OPCML: variants seen among roughly 807,000 people sequenced by gnomAD.
The protein encoded by OPCML is opioid-binding protein/cell adhesion molecule.
In OPCML, 13 loss-of-function variants were observed where a neutral mutation model predicts 37.8. The observed-to-expected ratio is 0.34, with a 90% confidence interval of 0.22 to 0.55. The LOEUF is 0.55. Among genes scored for constraint, OPCML ranks in the 20% least tolerant of loss-of-function variants. OPCML has a pLI of 0.91. For missense variants in OPCML, 341 were observed against 435.6 expected, an observed-to-expected ratio of 0.78 and a Z score of 1.93; for synonymous variants, 176 against 168.8, an observed-to-expected ratio of 1.04 and a Z score of -0.33.
intron 4 of OPCML, among the ~76,000 whole-genome samples, chr11:132,485,572 G>A (rs1271024264): frequency 2.0e-5 from 3 of 152,162 alleles, no homozygotes; most frequent in Non-Finnish European, 4.4e-5. Context: ...CCCATGTCAA[G>A]GCAGCCACTG....
chr11:132,653,191 A>G (rs1452046300), intron 3 of OPCML, among the ~76,000 whole-genome samples: 1 of 152,048 alleles, frequency 6.6e-6, no homozygotes, highest in Non-Finnish European at 1.5e-5. Context: ...TATCTCCCCA[A>G]TCACTAGCAT....
intron 1 of OPCML, among the ~76,000 whole-genome samples, chr11:133,286,061 G>A (rs1942287100): frequency 6.8e-6 from 1 of 146,788 alleles, no homozygotes; most frequent in Non-Finnish European, 1.5e-5. Flanking sequence ...GACAAGTCAG[G>A]GTGTTCAAGG....
chr11:132,962,390 T>G (rs140349539), intron 1 of OPCML, among the ~76,000 whole-genome samples: 147 of 152,316 alleles, frequency 9.7e-4, no homozygotes, highest in African/African-American at 3.4e-3. Flanking sequence ...GGAACTCACA[T>G]TCGTTTGCAA....
intron 4 of OPCML, among the ~76,000 whole-genome samples, chr11:132,458,814 T>A (rs1198153992): frequency 6.6e-6 from 1 of 152,182 alleles, no homozygotes; most frequent in Non-Finnish European, 1.5e-5. Context: ...CACATCTGCT[T>A]CCACACTCAG....
intron 1 of OPCML, among the ~76,000 whole-genome samples, chr11:133,434,798 G>GTATA (rs57835682): frequency 0.01 from 1,314 of 128,920 alleles, 14 homozygotes; most frequent in African/African-American, 0.021. Context: ...TTATATATAT[G>GTATA]TATATATATA....
chr11:132,999,300 A>G (rs1238102048), intron 1 of OPCML, among the ~76,000 whole-genome samples: 1 of 151,962 alleles, frequency 6.6e-6, no homozygotes, highest in Admixed American at 6.6e-5. Flanking sequence ...CTCCCTAGCA[A>G]TGACACTGCC....
At chr11:132,737,231 CCAAA>C (rs1362464204) in intron 2 of OPCML, among the ~76,000 whole-genome samples, 2 of 152,242 alleles carry the variant, frequency 1.3e-5, no homozygotes, top group East Asian at 3.9e-4. Flanking sequence ...AAATTAGATT[CCAAA>C]CAGAGATCTC....
At chr11:133,181,023 A>G (rs1454131934) in intron 1 of OPCML, among the ~76,000 whole-genome samples, 2 of 152,166 alleles carry the variant, frequency 1.3e-5, no homozygotes, top group African/African-American at 4.8e-5. Flanking sequence ...TCTCAAATAA[A>G]TTATGTGGTT....
chr11:133,195,933 T>G (rs1479758988), intron 1 of OPCML, among the ~76,000 whole-genome samples: 1 of 152,212 alleles, frequency 6.6e-6, no homozygotes, highest in Non-Finnish European at 1.5e-5. Flanking sequence ...TTTCTACCTT[T>G]TCTCTAAGTC....
At chr11:133,361,671 C>G (rs1206573420) in intron 1 of OPCML, 1 of 158,010 alleles carries the variant, frequency 6.3e-6, no homozygotes. Context: ...GCAGCTACTC[C>G]GGGGCACCGC....
chr11:133,393,390 G>A (rs952257458), intron 1 of OPCML, among the ~76,000 whole-genome samples: 1 of 152,190 alleles, frequency 6.6e-6, no homozygotes, highest in African/African-American at 2.4e-5. Context: ...CTAACTTGGT[G>A]TTTGAGGTGA....
chr11:133,140,922 C>G (rs368344174), intron 1 of OPCML, among the ~76,000 whole-genome samples: 2 of 4,788 alleles, frequency 4.2e-4, no homozygotes, highest in Non-Finnish European at 8.2e-4. Context: ...AAGAAGAAGA[C>G]GACGACGACG....
At chr11:133,328,839 C>T (rs1339871325) in intron 1 of OPCML, among the ~76,000 whole-genome samples, 1 of 152,134 alleles carries the variant, frequency 6.6e-6, no homozygotes, top group Non-Finnish European at 1.5e-5. Flanking sequence ...CCAGGGCAAT[C>T]AGGCAGGAGA....
chr11:133,328,180 T>C (rs955619635), intron 1 of OPCML, among the ~76,000 whole-genome samples: 4 of 147,866 alleles, frequency 2.7e-5, no homozygotes, highest in African/African-American at 7.6e-5. Flanking sequence ...TTTTTTGAGA[T>C]GAAGTCTTGC....
Position 132,557,442 on chromosome 11 carries a change from C to T in OPCML, c.380-28256G>A, listed in dbSNP as rs755937903. 1.8e-4 allele frequency among the ~76,000 whole-genome samples: 28 copies of T among 152,200 alleles called. 1 individual carries two copies. The highest frequency in any genetic ancestry group is 1.1e-3 in the Admixed American group (17 of 15,278). On this transcript the variant is annotated intron_variant, in intron 3 of 7. Transcript: ENST00000524381. ...TGGAAGGGGAGAAGCCTTACTCTGT[C>T]GGTGCCCAACCCCCCTGCTCTGGAA...
At chr11:133,464,455 G>T (rs7481500) in intron 1 of OPCML, among the ~76,000 whole-genome samples, 23,179 of 152,182 alleles carry the variant, frequency 0.15, 1,900 homozygotes, top group Admixed American at 0.21. Flanking sequence ...GAAATGTGGG[G>T]CGCTCTGGGG....
Position 132,943,181 on chromosome 11 carries a change from GGGA to G in OPCML, c.62-174_62-172del. 8 of 1,585,208 alleles carry G rather than the reference GGGA, an allele frequency of 5.0e-6. No homozygotes were observed. The South Asian group carries it at 9.1e-5, about 18-fold the overall frequency. On this transcript the variant is annotated intron_variant, in intron 1 of 7. Coordinates refer to ENST00000524381, the MANE Select transcript of OPCML (RefSeq NM_001012393.5). The surrounding 1 kb of genome is among the most constrained non-coding windows in gnomAD (Gnocchi z 4.3). ...ACCAGCGGGCTCGGGAAGCGGTGCG[GGGA>G]GGAGGGAAGGGGCAGAGTTCGCCAG...
intron 3 of OPCML, among the ~76,000 whole-genome samples, chr11:132,604,994 A>T (rs1161790216): frequency 6.6e-6 from 1 of 152,144 alleles, no homozygotes; most frequent in Non-Finnish European, 1.5e-5. Flanking sequence ...TTTTAGTAAA[A>T]ATTAATCTGG....
intron 5 of OPCML, 70 bp downstream of exon 5, chr11:132,437,152 A>G (rs1359018502): frequency 5.7e-6 from 9 of 1,578,962 alleles, no homozygotes; most frequent in Non-Finnish European, 7.8e-6. Flanking sequence ...TGGCACTGCC[A>G]TTACCAGATT....
Sources: allele counts gnomAD v4.1 joint callset (sites outside exome capture counted in the v4.1 genomes callset), GRCh38; gene constraint gnomAD v4.1.1; non-coding constraint Gnocchi (gnomAD v3.1); transcripts MANE v1.5; gene names NCBI Gene and HGNC (gene_info 2026-07-23, HGNC 2026-07-21).